The following TTC23 variants were observed in gnomAD, a reference collection of about 807,000 sequenced individuals.
TTC23 encodes the protein tetratricopeptide repeat protein 23.
TTC23 carries 58 observed loss-of-function variants against 55.1 expected under a neutral mutation model. The observed-to-expected ratio is 1.05, with a 90% CI of 0.85 to 1.31. TTC23 has a LOEUF of 1.31. Among genes scored for constraint, TTC23 ranks in the 50% most tolerant of loss-of-function variants. The pLI is 0.00. For missense variants in TTC23, 516 were observed against 534.4 expected, an observed-to-expected ratio of 0.97 and a Z score of 0.34; for synonymous variants, 203 against 199.9, an observed-to-expected ratio of 1.02 and a Z score of -0.13.
intron 8 of TTC23, among the ~76,000 whole-genome samples, chr15:99,212,520 C>T (rs771903564): frequency 7.9e-5 from 12 of 151,976 alleles, no homozygotes; most frequent in East Asian, 3.9e-4. Context: ...GAAGTAGCAC[C>T]GGAACAGAGG....
intron 10 of TTC23, among the ~76,000 whole-genome samples, chr15:99,169,917 C>A (rs1207004796): frequency 6.6e-6 from 1 of 152,224 alleles, no homozygotes; most frequent in Non-Finnish European, 1.5e-5. Context: ...CCTGCAAGAG[C>A]CCAGGCCGCA....
At chr15:99,210,310 G>C (rs1167247413) in intron 8 of TTC23, among the ~76,000 whole-genome samples, 1 of 152,106 alleles carries the variant, frequency 6.6e-6, no homozygotes, top group African/African-American at 2.4e-5. Context: ...AAGTATATGA[G>C]AGTAACCTGT....
chr15:99,207,719 T>C (rs562986244), intron 8 of TTC23, among the ~76,000 whole-genome samples: 29 of 152,314 alleles, frequency 1.9e-4, no homozygotes, highest in African/African-American at 7.0e-4. Flanking sequence ...ATCATGCCAC[T>C]GCACTCCACC....
At position 99,137,743 on chromosome 15, in the gene TTC23, G is replaced by T. The variant is rs1251400607; in HGVS notation, c.*267C>A. On this transcript the variant is annotated 3_prime_UTR_variant, in exon 14 of 14. Coordinates refer to ENST00000394132, the MANE Select transcript of TTC23 (RefSeq NM_001288615.3). ...AGAGAAGTTTTTCAGCCACAGTAGT[G>T]CTGATGGGTAAAAATTCTTGTTGGC... 2.2e-5 allele frequency: 10 copies of T among 464,200 alleles called. No homozygotes were observed. The highest frequency in any genetic ancestry group is 3.5e-5 in the Non-Finnish European group (9 of 257,702). The allele number at this position is 464,200 out of a possible 1,614,324, so 28.8% of individuals were successfully genotyped here.
chr15:99,153,749 A>C (rs2070162221), intron 12 of TTC23, among the ~76,000 whole-genome samples: 2 of 152,206 alleles, frequency 1.3e-5, no homozygotes, highest in African/African-American at 4.8e-5. Context: ...CAAGGACAGA[A>C]ATAATAAAGA....
chr15:99,196,938 T>C (rs905732859), intron 9 of TTC23, among the ~76,000 whole-genome samples: 4 of 152,298 alleles, frequency 2.6e-5, no homozygotes, highest in African/African-American at 9.6e-5. Flanking sequence ...TTCTTATAGC[T>C]TCCTGAATGT....
upstream of TTC23, among the ~76,000 whole-genome samples, chr15:99,250,796 G>C (rs909529136): frequency 2.0e-5 from 3 of 152,196 alleles, no homozygotes; most frequent in Non-Finnish European, 2.9e-5. Flanking sequence ...TTGGGTGTTT[G>C]AAGGGCAGAG....
rs1173520083 is a variant in TTC23 at position 99,136,993 on chromosome 15, G to A, written c.*1017C>T. ...TTGATGTCCCACTGGGGGCTGGAGGGGAGGGCCCTGTGCTGCAATCTGCTG... is the reference window on the plus strand; with the variant it reads ...TTGATGTCCCACTGGGGGCTGGAGGAGAGGGCCCTGTGCTGCAATCTGCTG... On this transcript the variant is annotated 3_prime_UTR_variant, in exon 14 of 14. Coordinates refer to ENST00000394132, the MANE Select transcript of TTC23 (RefSeq NM_001288615.3). 1 of 152,312 alleles carries A rather than the reference G, an allele frequency of 6.6e-6. No individual in the cohort carries two copies. Among genetic ancestry groups the A allele is most frequent in the Non-Finnish European group, 1.5e-5 (1 of 68,102 alleles). 9.4% of individuals were successfully genotyped at this position (152,312 alleles called of 1,614,324 possible). A position where few individuals can be genotyped will look rare whatever the true frequency, so the allele number is the denominator to read the frequency against.
Position 99,200,047 on chromosome 15 carries a change from C to A in TTC23, c.631G>T (p.Ala211Ser), listed in dbSNP as rs1373872138. Residue 211 changes from alanine to serine, a missense_variant, in exon 9 of 14, where the codon GCA becomes TCA. Physicochemically the swap from Ala to Ser is moderately conservative, Grantham distance 99. Coordinates refer to ENST00000394132, the MANE Select transcript of TTC23 (RefSeq NM_001288615.3). ...CTGATCTCAACATATTCCAAAGCTG[C>A]TTGATAGTGGGACAAAGCTTCTTTT... Reference protein sequence around the residue: ...KSKEALSHYQAALEYVEISKG... With the variant: ...KSKEALSHYQSALEYVEISKG... The A allele has an allele frequency of 6.8e-6, 11 of 1,612,910 alleles. No individual in the cohort carries two copies. The highest frequency in any genetic ancestry group is 9.3e-6 in the Non-Finnish European group (11 of 1,179,386).
chr15:99,178,929 G>A (rs192669045), intron 9 of TTC23, among the ~76,000 whole-genome samples: 12 of 152,272 alleles, frequency 7.9e-5, no homozygotes, highest in African/African-American at 2.9e-4. Flanking sequence ...GTGGGTTTCA[G>A]TAGAGACACG....
chr15:99,180,738 T>C (rs1405600153), intron 9 of TTC23, among the ~76,000 whole-genome samples: 1 of 152,182 alleles, frequency 6.6e-6, no homozygotes, highest in Non-Finnish European at 1.5e-5. Context: ...CCCCACTTTG[T>C]AATAATTTGG....
intron 5 of TTC23, among the ~76,000 whole-genome samples, chr15:99,224,106 C>G (rs2078186274): frequency 6.6e-6 from 1 of 152,192 alleles, no homozygotes; most frequent in South Asian, 2.1e-4. Context: ...CACAGCCAGA[C>G]AGTTGGCCAA....
intron 5 of TTC23, among the ~76,000 whole-genome samples, chr15:99,227,597 G>C (rs1003811325): frequency 6.6e-6 from 1 of 152,062 alleles, no homozygotes; most frequent in African/African-American, 2.4e-5. Context: ...TCATCTTTAG[G>C]AGAAAATCAA....
At chr15:99,188,867 A>G (rs1156412078) in intron 9 of TTC23, among the ~76,000 whole-genome samples, 3 of 152,256 alleles carry the variant, frequency 2.0e-5, no homozygotes, top group South Asian at 2.1e-4. Flanking sequence ...TAATGGAAAT[A>G]CAAATGATAC....
At position 99,156,129 on chromosome 15, in the gene TTC23, G is replaced by T; in HGVS notation, c.1143+19C>A. The T allele has an allele frequency of 6.2e-7, 1 of 1,614,208 alleles. No individual in the cohort carries two copies. Among genetic ancestry groups the T allele is most frequent in the South Asian group, 1.1e-5 (1 of 91,086 alleles). ...GGAGGGAGAGCCTAGTCTCGTGTTA[G>T]TACTGGTTCCAGCTTTACCTTCTTC... On this transcript the variant is annotated intron_variant, in intron 12 of 13. Coordinates refer to ENST00000394132, the MANE Select transcript of TTC23 (RefSeq NM_001288615.3).
At chr15:99,243,847 A>G (rs2080012534) in intron 2 of TTC23, among the ~76,000 whole-genome samples, 2 of 152,202 alleles carry the variant, frequency 1.3e-5, no homozygotes, top group Non-Finnish European at 2.9e-5. Context: ...AGGGAGGGAA[A>G]AGTGGGGATA....
At chr15:99,250,007 G>T (rs989646977), upstream of TTC23, among the ~76,000 whole-genome samples, 7 of 151,978 alleles carry the variant, frequency 4.6e-5, no homozygotes, top group African/African-American at 1.7e-4. Context: ...TTAAAAAAAA[G>T]AAATGAAAAC....
At position 99,228,675 on chromosome 15, in the gene TTC23, A is replaced by T. The variant is rs762982554; in HGVS notation, c.38T>A (p.Leu13Gln). 2.5e-6 allele frequency: 4 copies of T among 1,612,812 alleles called. No homozygotes were observed. The highest frequency in any genetic ancestry group is 3.4e-6 in the Non-Finnish European group (4 of 1,179,332). Reference protein sequence around the residue: ...ESQETHISNHLDEVVAAVSIT... With the variant: ...ESQETHISNHQDEVVAAVSIT... ...GCTAACAGCAGCAACAACTTCATCT[A>T]GGTGGTTGGATATGTGGGTTTCCTG... The change falls in exon 5 of 14, where the codon CTA becomes CAA. Residue 13 changes from leucine to glutamine, a missense_variant. By Grantham distance (113) the Leu-to-Gln change is moderately radical. Coordinates refer to ENST00000394132, the MANE Select transcript of TTC23 (RefSeq NM_001288615.3).
chr15:99,232,724 G>C (rs2079028403), intron 4 of TTC23, among the ~76,000 whole-genome samples: 1 of 152,112 alleles, frequency 6.6e-6, no homozygotes, highest in African/African-American at 2.4e-5. Context: ...ATGGAACACA[G>C]TAAGGAAGTT....
Sources: gnomAD v4.1 joint callset for allele counts (sites outside exome capture counted in the v4.1 genomes callset) on GRCh38, gnomAD v4.1.1 for gene constraint, MANE v1.5 for transcripts, NCBI Gene and HGNC (gene_info 2026-07-23, HGNC 2026-07-21) for gene names.